GRID1: variants seen among roughly 807,000 people sequenced by gnomAD.
GRID1 encodes glutamate ionotropic receptor delta type subunit 1.
GRID1 carries 28 observed loss-of-function variants against 98.0 expected under a neutral mutation model. The ratio of observed to expected loss-of-function variants is 0.29; its 90% CI spans 0.21 to 0.39. GRID1 has a LOEUF of 0.39. GRID1 is among the 10% of genes least tolerant of loss of function. The probability of loss-of-function intolerance (pLI) is 1.00; values close to 1 mark genes in which losing one functional copy is unlikely to be tolerated. For synonymous variants in GRID1, 553 were observed against 538.5 expected, an observed-to-expected ratio of 1.03 and a Z score of -0.37; for missense variants, 1,111 against 1,340.5, an observed-to-expected ratio of 0.83 and a Z score of 2.67.
chr10:85,692,866 C>T (rs1040632069), intron 12 of GRID1, among the ~76,000 whole-genome samples: 1 of 152,068 alleles, frequency 6.6e-6, no homozygotes, highest in African/African-American at 2.4e-5. Flanking sequence ...GAGATATTCC[C>T]CAAGGCCTAG....
chr10:85,973,740 T>TTTTAACCAAAAGTA (rs1379427983), intron 4 of GRID1, among the ~76,000 whole-genome samples: 1 of 152,180 alleles, frequency 6.6e-6, no homozygotes, highest in Admixed American at 6.5e-5. Flanking sequence ...AGAATAGACT[T>TTTTAACCAAAAGTA]TTTAAGTATT....
At chr10:85,776,977 G>A (rs1318163989) in intron 8 of GRID1, among the ~76,000 whole-genome samples, 1 of 152,222 alleles carries the variant, frequency 6.6e-6, no homozygotes, top group African/African-American at 2.4e-5. Context: ...ACAACAAACT[G>A]TGGTATTGGC....
chr10:85,904,127 G>C (rs1016420705), intron 5 of GRID1, among the ~76,000 whole-genome samples: 1 of 152,114 alleles, frequency 6.6e-6, no homozygotes, highest in Non-Finnish European at 1.5e-5. Flanking sequence ...CACAATACCA[G>C]GAGTTTTCTG....
In GRID1 at chr10:86,156,362, T is replaced by G. The variant is rs959082428; in HGVS notation, c.521-17338A>C. Among the ~76,000 whole-genome samples the G allele has an allele frequency of 1.8e-4, 28 of 152,332 alleles. No homozygotes were observed. In the East Asian group the frequency reaches 4.4e-3, roughly 24 times the overall value. ...GCTCATTAGTCCAGAAGAGGTCACA[T>G]GATTCAGGCCCAGCCTGTCAGAGCC... On this transcript the variant is annotated intron_variant, in intron 3 of 15. Coordinates refer to ENST00000327946, the MANE Select transcript of GRID1 (RefSeq NM_017551.3).
At chr10:85,657,285 C>A (rs746134876) in intron 12 of GRID1, among the ~76,000 whole-genome samples, 1 of 152,186 alleles carries the variant, frequency 6.6e-6, no homozygotes, top group Non-Finnish European at 1.5e-5. Context: ...GTTCCCCTCC[C>A]AGAATAGGAC....
intron 13 of GRID1, among the ~76,000 whole-genome samples, chr10:85,639,052 G>C (rs1014907126): frequency 6.6e-6 from 1 of 152,074 alleles, no homozygotes; most frequent in African/African-American, 2.4e-5. Flanking sequence ...TAATGACCCA[G>C]GAATTTCACC....
intron 12 of GRID1, among the ~76,000 whole-genome samples, chr10:85,657,975 T>C (rs1442694525): frequency 6.6e-6 from 1 of 152,088 alleles, no homozygotes; most frequent in Non-Finnish European, 1.5e-5. Context: ...CCCGCAAATA[T>C]TTGCTGCCAC....
At chr10:85,882,494 C>T (rs560728408) in intron 5 of GRID1, among the ~76,000 whole-genome samples, 7,238 of 152,132 alleles carry the variant, frequency 0.048, 253 homozygotes, top group Non-Finnish European at 0.071. Context: ...AAACTGGAAA[C>T]CATCATTCTC....
chr10:86,298,884 C>G (rs908506678), intron 2 of GRID1, among the ~76,000 whole-genome samples: 1 of 152,196 alleles, frequency 6.6e-6, no homozygotes, highest in East Asian at 1.9e-4. Flanking sequence ...TCACCACTCA[C>G]GGATCCCTGG....
chr10:86,337,588 C>G (rs1273451696), intron 2 of GRID1, among the ~76,000 whole-genome samples: 1 of 152,026 alleles, frequency 6.6e-6, no homozygotes, highest in Non-Finnish European at 1.5e-5. Context: ...TCTACAGCCA[C>G]CAAGGAAGAA....
At chr10:86,139,163 C>G (rs542699030) in intron 3 of GRID1, 139 bp from the exon 4 acceptor site, 6 of 652,142 alleles carry the variant, frequency 9.2e-6, no homozygotes, top group African/African-American at 1.8e-5. Flanking sequence ...CAGTGATTCC[C>G]GTAAACAGAG....
At chr10:86,364,462 G>A (rs545184021) in intron 1 of GRID1, among the ~76,000 whole-genome samples, 3 of 152,316 alleles carry the variant, frequency 2.0e-5, no homozygotes, top group South Asian at 4.1e-4. Flanking sequence ...CAAATGCCTT[G>A]ACATGGTTCC....
chr10:85,836,356 G>A (rs952091143), intron 8 of GRID1, among the ~76,000 whole-genome samples: 10 of 152,100 alleles, frequency 6.6e-5, no homozygotes, highest in African/African-American at 1.7e-4. Context: ...GGAAGGCACC[G>A]AGAGTGGATG....
chr10:86,204,309 C>T (rs1845995244), intron 3 of GRID1, among the ~76,000 whole-genome samples: 2 of 152,196 alleles, frequency 1.3e-5, no homozygotes, highest in Non-Finnish European at 1.5e-5. Flanking sequence ...ATGCCAGGCA[C>T]CATGCAGGCT....
intron 2 of GRID1, among the ~76,000 whole-genome samples, chr10:86,207,595 G>A (rs959818520): frequency 6.0e-5 from 9 of 150,530 alleles, no homozygotes; most frequent in Non-Finnish European, 8.9e-5. Context: ...TGGTTTATGC[G>A]ATGGCAAGGA....
intron 4 of GRID1, among the ~76,000 whole-genome samples, chr10:86,095,426 G>T (rs1361268663): frequency 6.6e-6 from 1 of 152,156 alleles, no homozygotes; most frequent in Non-Finnish European, 1.5e-5. Context: ...ACAACCCACA[G>T]AGTGGGAGAA....
intron 4 of GRID1, among the ~76,000 whole-genome samples, chr10:86,079,497 T>C (rs1843933966): frequency 6.6e-6 from 1 of 151,942 alleles, no homozygotes; most frequent in African/African-American, 2.4e-5. Context: ...GAATAAAACA[T>C]CCATCAGACC....
At chr10:86,261,844 A>C (rs746274831) in intron 2 of GRID1, among the ~76,000 whole-genome samples, 2 of 152,114 alleles carry the variant, frequency 1.3e-5, no homozygotes, top group Non-Finnish European at 2.9e-5. Flanking sequence ...TGGAGGTCAC[A>C]CAAGGCTTCA....
chr10:86,273,923 C>T (rs1286918486), intron 2 of GRID1, among the ~76,000 whole-genome samples: 1 of 151,564 alleles, frequency 6.6e-6, no homozygotes, highest in African/African-American at 2.4e-5. Flanking sequence ...TTAATTAGAT[C>T]CCATTTGTCA....
Sources: allele counts gnomAD v4.1 joint callset (sites outside exome capture counted in the v4.1 genomes callset), GRCh38; gene constraint gnomAD v4.1.1; transcripts MANE v1.5; gene names NCBI Gene and HGNC (gene_info 2026-07-23, HGNC 2026-07-21).